The following CSMD1 variants were observed in gnomAD, a reference collection of about 807,000 sequenced individuals.
CSMD1 encodes CUB and Sushi multiple domains 1, also known as CUB and sushi domain-containing protein 1.
CSMD1 carries 213 observed loss-of-function variants against 417.5 expected under a neutral mutation model. That is an observed-to-expected ratio of 0.51 (90% CI 0.46 to 0.57). The LOEUF is 0.57. CSMD1 is among the 20% of genes least tolerant of loss of function. The probability of loss-of-function intolerance (pLI) is 0.00; values close to 1 mark genes in which losing one functional copy is unlikely to be tolerated. For missense variants in CSMD1, 6,923 were observed against 4,529.7 expected (o/e 1.53, Z -15.17); for synonymous variants, 2,862 against 1,736.8 (o/e 1.65, Z -16.11).
At chr8:4,717,293 T>G (rs896821328) in intron 1 of CSMD1, among the ~76,000 whole-genome samples, 5 of 129,914 alleles carry the variant, frequency 3.8e-5, no homozygotes, top group Non-Finnish European at 1.5e-5. Flanking sequence ...GACCCTGCCC[T>G]TCTCTCTCTC....
intron 3 of CSMD1, among the ~76,000 whole-genome samples, chr8:4,033,070 C>G (rs1314537427): frequency 6.8e-6 from 1 of 147,374 alleles, no homozygotes; most frequent in Non-Finnish European, 1.5e-5. Context: ...CCAGACATTC[C>G]TCTCTATTGA....
intron 5 of CSMD1, among the ~76,000 whole-genome samples, chr8:3,814,159 C>T (rs1801241563): frequency 6.6e-6 from 1 of 152,190 alleles, no homozygotes; most frequent in Non-Finnish European, 1.5e-5. Flanking sequence ...CTGGTACCCC[C>T]AGCGTGGAAG....
At position 3,893,339 on chromosome 8, in the gene CSMD1, T is replaced by TTA. The variant is rs56848640; in HGVS notation, c.818+104562_818+104563dup. ...TCCCAAACTAATAATATTCACAATT[T>TTA]TATATATATATATATATATATATTA... is the stretch of plus-strand genomic sequence containing the variant. On this transcript the variant is annotated intron_variant, in intron 5 of 69. Transcript: ENST00000635120. Among the ~76,000 whole-genome samples, 672 of 80,440 alleles carry TTA rather than the reference T, an allele frequency of 8.4e-3. 37 individuals are homozygous for TTA. Among genetic ancestry groups the TTA allele is most frequent in the South Asian group, 0.018 (33 of 1,838 alleles). The allele number at this position is 80,440 out of a possible 152,430, so 52.8% of individuals were successfully genotyped here.
At chr8:4,125,722 T>G (rs1802725423) in intron 3 of CSMD1, among the ~76,000 whole-genome samples, 1 of 152,154 alleles carries the variant, frequency 6.6e-6, no homozygotes, top group Admixed American at 6.5e-5. Flanking sequence ...GCGAAGGAAT[T>G]CAGTTCACAG....
chr8:3,267,327 A>G (rs1328178347), intron 26 of CSMD1, among the ~76,000 whole-genome samples: 1 of 152,230 alleles, frequency 6.6e-6, no homozygotes. Flanking sequence ...ATATCCCACA[A>G]GATCATCTAT....
intron 1 of CSMD1, among the ~76,000 whole-genome samples, chr8:4,907,584 G>T (rs1585305097): frequency 1.3e-5 from 2 of 151,994 alleles, no homozygotes; most frequent in Admixed American, 6.6e-5. Context: ...TTTTGAGACA[G>T]GTTTTCACTC....
rs189300018 is a variant in CSMD1, at chr8:4,481,828, G to A, written c.303-61763C>T. The stretch of plus-strand genomic sequence containing the variant: ...AACTTGTTTAATTTTAATAATCCCA[G>A]GAGGTAGGTACTCCACCTACTTCTA... On this transcript the variant is annotated intron_variant, in intron 2 of 69. Transcript: ENST00000635120. Among the ~76,000 whole-genome samples the A allele has an allele frequency of 4.0e-3, 609 of 152,250 alleles. 8 individuals carry two copies. Among genetic ancestry groups the A allele is most frequent in the South Asian group, 8.7e-3 (42 of 4,830 alleles).
At chr8:3,752,404 C>A (rs1004458470) in intron 6 of CSMD1, among the ~76,000 whole-genome samples, 1 of 152,034 alleles carries the variant, frequency 6.6e-6, no homozygotes, top group Non-Finnish European at 1.5e-5. Context: ...CCTGTAATCC[C>A]AGCACTTTGG....
intron 1 of CSMD1, among the ~76,000 whole-genome samples, chr8:4,691,225 G>A (rs148981269): frequency 1.1e-3 from 166 of 152,270 alleles, no homozygotes; most frequent in African/African-American, 3.7e-3. Flanking sequence ...ATGGGCTGGT[G>A]AGCAGAAATT....
At chr8:3,566,037 C>G (rs141554165) in intron 10 of CSMD1, among the ~76,000 whole-genome samples, 1 of 152,262 alleles carries the variant, frequency 6.6e-6, no homozygotes, top group African/African-American at 2.4e-5. Flanking sequence ...AAACTCTTTG[C>G]CTGTCATACG....
intron 49 of CSMD1, among the ~76,000 whole-genome samples, chr8:3,072,454 T>C (rs1377001574): frequency 1.3e-5 from 2 of 152,152 alleles, no homozygotes; most frequent in Non-Finnish European, 2.9e-5. Flanking sequence ...GCCAAGGAGG[T>C]ATTATTTTAA....
At chr8:4,222,848 G>A (rs1460468160) in intron 3 of CSMD1, among the ~76,000 whole-genome samples, 3 of 151,986 alleles carry the variant, frequency 2.0e-5, no homozygotes, top group East Asian at 1.9e-4. Flanking sequence ...AATACCATGA[G>A]GACAATTAAT....
chr8:3,750,361 G>T (rs1797274614), intron 6 of CSMD1, among the ~76,000 whole-genome samples: 1 of 149,578 alleles, frequency 6.7e-6, no homozygotes, highest in African/African-American at 2.4e-5. Context: ...TATGATTCAG[G>T]TTAAATATAC....
chr8:4,220,023 G>C (rs1714723), intron 3 of CSMD1, among the ~76,000 whole-genome samples: 151,770 of 152,286 alleles, frequency 1, 75,629 homozygotes, highest in Middle Eastern at 1. Flanking sequence ...GATCTAGGCT[G>C]ACTACAACCT....
intron 3 of CSMD1, among the ~76,000 whole-genome samples, chr8:4,361,640 G>A (rs931529168): frequency 6.6e-6 from 1 of 151,968 alleles, no homozygotes; most frequent in Non-Finnish European, 1.5e-5. Flanking sequence ...CTTTTGTTTT[G>A]TTTTTCCTTA....
chr8:4,421,055 T>C (rs1182770473), intron 2 of CSMD1, among the ~76,000 whole-genome samples: 1 of 152,172 alleles, frequency 6.6e-6, no homozygotes, highest in East Asian at 1.9e-4. Flanking sequence ...AGAGACTCAT[T>C]TGTTCATTTT....
At chr8:3,836,733 G>C (rs938240680) in intron 5 of CSMD1, among the ~76,000 whole-genome samples, 1 of 152,012 alleles carries the variant, frequency 6.6e-6, no homozygotes, top group Admixed American at 6.6e-5. Context: ...AGTTTCAAGA[G>C]ACAATGAAAT....
chr8:4,974,947 T>C (rs898907927), intron 1 of CSMD1, among the ~76,000 whole-genome samples: 22 of 152,344 alleles, frequency 1.4e-4, no homozygotes, highest in Non-Finnish European at 1.6e-4. Context: ...CAAAGAATTA[T>C]TCGACAATAG....
chr8:3,320,325 C>T lies in CSMD1; in HGVS notation c.3632-11822G>A, dbSNP rs151334147. Among the ~76,000 whole-genome samples, 596 of 152,252 alleles carry T rather than the reference C, an allele frequency of 3.9e-3. 2 individuals carry two copies. Among genetic ancestry groups the T allele is most frequent in the African/African-American group, 0.014 (567 of 41,552 alleles). Reference sequence around the variant, plus strand: ...GCCCTCACACACCCTGCCCCTGCCTCGTGCCTCCTTCACATCTTAGCTGTG... The same window carrying T: ...GCCCTCACACACCCTGCCCCTGCCTTGTGCCTCCTTCACATCTTAGCTGTG... On this transcript the variant is annotated intron_variant, in intron 23 of 69. Coordinates refer to ENST00000635120, the MANE Select transcript of CSMD1 (RefSeq NM_033225.6).
Sources: allele counts gnomAD v4.1 joint callset (sites outside exome capture counted in the v4.1 genomes callset), GRCh38; gene constraint gnomAD v4.1.1; transcripts MANE v1.5; gene names NCBI Gene and HGNC (gene_info 2026-07-23, HGNC 2026-07-21).